PTPN5: variants seen among roughly 807,000 people sequenced by gnomAD.
PTPN5 encodes tyrosine-protein phosphatase non-receptor type 5.
In PTPN5, 29 loss-of-function variants were observed where a neutral mutation model predicts 73.9. The observed-to-expected ratio is 0.39, with a 90% CI of 0.29 to 0.54. The LOEUF (loss-of-function observed/expected upper bound fraction) is 0.54. Ranked by LOEUF, PTPN5 falls within the 20% of genes least tolerant of loss-of-function variation. The pLI, the probability that PTPN5 is intolerant of heterozygous loss-of-function variation, is 0.65. For missense variants in PTPN5, 652 were observed against 751.4 expected (o/e 0.87, Z 1.55); for synonymous variants, 267 against 304.7 (o/e 0.88, Z 1.29).
chr11:18,735,360 A>G (rs564181208), intron 9 of PTPN5, among the ~76,000 whole-genome samples: 68 of 152,176 alleles, frequency 4.5e-4, no homozygotes, highest in African/African-American at 1.6e-3. Flanking sequence ...GGGGACCTGC[A>G]GCAGAGAGGG....
At chr11:18,790,053 T>C (rs563069636) in intron 1 of PTPN5, among the ~76,000 whole-genome samples, 2 of 151,890 alleles carry the variant, frequency 1.3e-5, no homozygotes, top group South Asian at 4.2e-4. Context: ...ACTGACTCCA[T>C]CCCTTCACCA....
At chr11:18,748,547 T>A (rs1849740591) in intron 3 of PTPN5, among the ~76,000 whole-genome samples, 1 of 152,284 alleles carries the variant, frequency 6.6e-6, no homozygotes, top group African/African-American at 2.4e-5. Flanking sequence ...GACTTTTTTT[T>A]AATCCAGCAA....
intron 1 of PTPN5, among the ~76,000 whole-genome samples, chr11:18,775,593 T>G (rs959352080): frequency 6.6e-6 from 1 of 152,120 alleles, no homozygotes; most frequent in South Asian, 2.1e-4. Flanking sequence ...GGAGGCTGGC[T>G]TGGGTGGGGA....
chr11:18,777,114 T>C (rs796727519), intron 1 of PTPN5, among the ~76,000 whole-genome samples: 24 of 152,320 alleles, frequency 1.6e-4, no homozygotes, highest in African/African-American at 5.5e-4. Flanking sequence ...TGAGCCAAGA[T>C]TGTGCCACAG....
chr11:18,761,326 C>T (rs1232640460), intron 3 of PTPN5, among the ~76,000 whole-genome samples: 2 of 152,172 alleles, frequency 1.3e-5, no homozygotes, highest in Non-Finnish European at 2.9e-5. Context: ...TAGGACTATG[C>T]TGGGCTAGGC....
Position 18,728,340 on chromosome 11 carries a change from C to T in PTPN5, c.*594G>A, listed in dbSNP as rs1176927765. On this transcript the variant is annotated 3_prime_UTR_variant, in exon 15 of 15. Coordinates refer to ENST00000358540, the MANE Select transcript of PTPN5 (RefSeq NM_006906.2). This position sits in a 1 kb window ranked among gnomAD's most constrained non-coding sequence, Gnocchi z 4.1. ...AGGCTGGGCACCCTCCTGAGAGCATCTGACACCCAGAGGCCACCCTGGCTG... is the reference window on the plus strand; with the variant it reads ...AGGCTGGGCACCCTCCTGAGAGCATTTGACACCCAGAGGCCACCCTGGCTG... 1 of 152,552 alleles carries T rather than the reference C, an allele frequency of 6.6e-6. No individual in the cohort carries two copies. The highest frequency in any genetic ancestry group is 2.4e-5 in the African/African-American group (1 of 41,454). The allele number at this position is 152,552 out of a possible 1,614,324, so 9.4% of individuals were successfully genotyped here.
intron 8 of PTPN5, among the ~76,000 whole-genome samples, chr11:18,738,227 A>C (rs1030419533): frequency 2.0e-5 from 3 of 152,218 alleles, no homozygotes; most frequent in Admixed American, 6.5e-5. Context: ...TAAATAGCTG[A>C]TGAATGAAGA....
At chr11:18,776,581 C>T (rs566475685) in intron 1 of PTPN5, among the ~76,000 whole-genome samples, 2 of 152,212 alleles carry the variant, frequency 1.3e-5, no homozygotes, top group African/African-American at 4.8e-5. Flanking sequence ...CATCATTCAC[C>T]TCTCACTAGA....
chr11:18,773,208 G>A (rs1850988942), intron 1 of PTPN5, among the ~76,000 whole-genome samples: 1 of 152,144 alleles, frequency 6.6e-6, no homozygotes, highest in Non-Finnish European at 1.5e-5. Context: ...TCCCTTGGGA[G>A]AGGCGGCTTG....
chr11:18,760,315 A>G (rs1487239098), intron 3 of PTPN5, among the ~76,000 whole-genome samples: 1 of 152,194 alleles, frequency 6.6e-6, no homozygotes, highest in Admixed American at 6.5e-5. Flanking sequence ...GGTCAGAGAT[A>G]GGCGCTGCAG....
intron 1 of PTPN5, among the ~76,000 whole-genome samples, chr11:18,780,470 G>GC (rs1261214159): frequency 2.0e-5 from 3 of 152,046 alleles, no homozygotes; most frequent in Non-Finnish European, 4.4e-5. Context: ...CAGGGCCCCT[G>GC]CCCCCCGCCT....
At chr11:18,745,649 C>T (rs1047431132) in intron 3 of PTPN5, among the ~76,000 whole-genome samples, 8 of 152,146 alleles carry the variant, frequency 5.3e-5, no homozygotes, top group Admixed American at 5.2e-4. Context: ...GCACCCCATG[C>T]CTCTCTTTCA....
At chr11:18,783,233 AT>A (rs1851523024) in intron 1 of PTPN5, among the ~76,000 whole-genome samples, 1 of 152,232 alleles carries the variant, frequency 6.6e-6, no homozygotes, top group South Asian at 2.1e-4. Context: ...TCCCTGCCTC[AT>A]GATAAGCAGC....
At chr11:18,744,310 G>A (rs867007422) in intron 3 of PTPN5, 111 bp from the exon 4 acceptor site, 24 of 909,034 alleles carry the variant, frequency 2.6e-5, no homozygotes, top group African/African-American at 1.9e-4. Flanking sequence ...ATCAGTCAGC[G>A]TGGCTCCACT....
intron 1 of PTPN5, among the ~76,000 whole-genome samples, chr11:18,773,860 T>G (rs1018424116): frequency 2.0e-5 from 3 of 152,158 alleles, no homozygotes; most frequent in African/African-American, 7.2e-5. Flanking sequence ...ACTGCCCCCT[T>G]GCTGGGCCAC....
rs770718593 is a variant in PTPN5 at position 18,733,524 on chromosome 11, G to A, written c.1080+32C>T. The stretch of plus-strand genomic sequence containing the variant: ...ATCCCATCGACTCAGGCCTCCCCTT[G>A]AGCAAGAGGCCGTCAGGGTGGGAAT... On this transcript the variant is annotated intron_variant, in intron 10 of 14. Transcript: ENST00000358540. This position sits in a 1 kb window ranked among gnomAD's most constrained non-coding sequence, Gnocchi z 4.3. 29 of 1,612,676 alleles carry A rather than the reference G, an allele frequency of 1.8e-5. No homozygotes were observed. The South Asian group carries it at 3.2e-4, about 18-fold the overall frequency.
Position 18,740,692 on chromosome 11 carries a change from C to T in PTPN5, c.826G>A (p.Glu276Lys), listed in dbSNP as rs765325769. The change falls in exon 8 of 15, where the codon GAG becomes AAG. Residue 276 changes from glutamate (E) to lysine (K), a missense_variant. Physicochemically the swap from Glu to Lys is moderately conservative, Grantham distance 56. Transcript: ENST00000358540. ...LMSPREESAR[E>K]YLLSASRVLQ... The stretch of plus-strand genomic sequence containing the variant: ...ACACGGGAGGCGCTGAGCAGGTACT[C>T]GCGGGCGGACTCCTCACGTGGGGAC... The T allele has an allele frequency of 8.1e-6, 13 of 1,609,156 alleles. No individual in the cohort carries two copies. In the East Asian group the frequency reaches 9.0e-5, roughly 11 times the overall value.
intron 1 of PTPN5, among the ~76,000 whole-genome samples, chr11:18,791,174 C>T (rs553556745): frequency 6.6e-6 from 1 of 152,344 alleles, no homozygotes; most frequent in Non-Finnish European, 1.5e-5. Flanking sequence ...GGGCTTCAGG[C>T]TCCGGAGAGG....
chr11:18,750,103 G>C (rs1358218795), intron 3 of PTPN5, among the ~76,000 whole-genome samples: 3 of 152,218 alleles, frequency 2.0e-5, no homozygotes, highest in Non-Finnish European at 2.9e-5. Flanking sequence ...CCAGAGAGCG[G>C]AAGTGGCTTG....
Sources: allele counts gnomAD v4.1 joint callset (sites outside exome capture counted in the v4.1 genomes callset), GRCh38; gene constraint gnomAD v4.1.1; non-coding constraint Gnocchi (gnomAD v3.1); transcripts MANE v1.5; gene names NCBI Gene and HGNC (gene_info 2026-07-23, HGNC 2026-07-21).